FARS2: variants seen among roughly 807,000 people sequenced by gnomAD.
FARS2 encodes phenylalanyl-tRNA synthetase 2, mitochondrial, also known as phenylalanine--tRNA ligase, mitochondrial.
In FARS2, 40 loss-of-function variants were observed where a neutral mutation model predicts 46.4. That is an observed-to-expected ratio of 0.86 (90% CI 0.67 to 1.12). FARS2 has a LOEUF of 1.12. Among genes scored for constraint, FARS2 ranks in the 50% most tolerant of loss-of-function variants. FARS2 has a pLI of 0.00. For missense variants in FARS2, 513 were observed against 567.9 expected (o/e 0.90, Z 0.98); for synonymous variants, 234 against 214.9 (o/e 1.09, Z -0.78).
intron 6 of FARS2, among the ~76,000 whole-genome samples, chr6:5,754,580 A>G (rs529334078): frequency 4.6e-5 from 7 of 152,344 alleles, no homozygotes; most frequent in Admixed American, 6.5e-5. Flanking sequence ...TTCCTGAAAT[A>G]TACCCTTCTT....
At chr6:5,762,649 G>C (rs1045941227) in intron 6 of FARS2, among the ~76,000 whole-genome samples, 4 of 152,222 alleles carry the variant, frequency 2.6e-5, no homozygotes, top group South Asian at 4.1e-4. Context: ...GAACTCTTAC[G>C]TTGCCGACGT....
Position 5,500,901 on chromosome 6 carries a change from C to A in FARS2, c.905-44279C>A, listed in dbSNP as rs78486553. On this transcript the variant is annotated intron_variant, in intron 4 of 6. Transcript: ENST00000274680. ...TGACTTGGAACAAAACATTTTCTGT[C>A]CTTGTGACATTCCAGTCAAGCTTCA... is the stretch of plus-strand genomic sequence containing the variant. 4.6e-4 allele frequency among the ~76,000 whole-genome samples: 69 copies of A among 151,348 alleles called. No individual in the cohort carries two copies. In the East Asian group the frequency reaches 0.012, roughly 27 times the overall value.
chr6:5,520,391 C>T (rs1769059671), intron 4 of FARS2, among the ~76,000 whole-genome samples: 1 of 152,130 alleles, frequency 6.6e-6, no homozygotes, highest in African/African-American at 2.4e-5. Flanking sequence ...GTCTTGCTTT[C>T]TTAGACTTGC....
chr6:5,287,411 G>C (rs1349544622), intron 1 of FARS2, among the ~76,000 whole-genome samples: 1 of 152,164 alleles, frequency 6.6e-6, no homozygotes, highest in Non-Finnish European at 1.5e-5. Flanking sequence ...CCCACAGCCT[G>C]TTCCTTCCCG....
intron 6 of FARS2, among the ~76,000 whole-genome samples, chr6:5,691,009 A>G (rs1757669733): frequency 6.6e-6 from 1 of 152,152 alleles, no homozygotes; most frequent in Non-Finnish European, 1.5e-5. Flanking sequence ...AGGCTTGTGC[A>G]TTCATCACAT....
intron 6 of FARS2, among the ~76,000 whole-genome samples, chr6:5,766,612 G>A (rs1762763953): frequency 6.6e-6 from 1 of 152,224 alleles, no homozygotes; most frequent in South Asian, 2.1e-4. Flanking sequence ...GGAAGAGGGT[G>A]ACAGTTAATA....
chr6:5,411,486 C>G (rs183894120), intron 3 of FARS2, among the ~76,000 whole-genome samples: 15 of 152,306 alleles, frequency 9.8e-5, no homozygotes, highest in African/African-American at 3.6e-4. Flanking sequence ...TTCACTCTTT[C>G]TATAATTAGT....
At chr6:5,432,942 CCATCTGCAGGGG>C (rs914863712) in intron 4 of FARS2, among the ~76,000 whole-genome samples, 15 of 152,134 alleles carry the variant, frequency 9.9e-5, no homozygotes, top group Non-Finnish European at 2.1e-4. Context: ...TAGGTACTCT[CCATCTGCAGGGG>C]CCTGGACTCC....
intron 4 of FARS2, among the ~76,000 whole-genome samples, chr6:5,434,201 C>T (rs868300201): frequency 6.6e-6 from 1 of 152,088 alleles, no homozygotes; most frequent in East Asian, 1.9e-4. Flanking sequence ...CCTCTGCCCC[C>T]GCTGGGTTCA....
intron 4 of FARS2, among the ~76,000 whole-genome samples, chr6:5,529,037 A>G (rs1407835790): frequency 6.6e-6 from 1 of 152,216 alleles, no homozygotes; most frequent in African/African-American, 2.4e-5. Context: ...TCTCTTATTT[A>G]GATCACTTTT....
At chr6:5,439,276 A>G (rs1562041721) in intron 4 of FARS2, among the ~76,000 whole-genome samples, 1 of 152,092 alleles carries the variant, frequency 6.6e-6, no homozygotes, top group Non-Finnish European at 1.5e-5. Context: ...TTCCACATAG[A>G]ATTCGGGCAT....
At chr6:5,495,942 C>G (rs537284865) in intron 4 of FARS2, among the ~76,000 whole-genome samples, 1 of 152,308 alleles carries the variant, frequency 6.6e-6, no homozygotes, top group African/African-American at 2.4e-5. Flanking sequence ...GATGCCCTGC[C>G]TGAGCAGCTA....
chr6:5,519,800 G>A (rs1346704717), intron 4 of FARS2, among the ~76,000 whole-genome samples: 1 of 152,102 alleles, frequency 6.6e-6, no homozygotes, highest in Admixed American at 6.5e-5. Flanking sequence ...CATGATGTTG[G>A]TTCCATTGTG....
intron 6 of FARS2, among the ~76,000 whole-genome samples, chr6:5,713,014 G>A (rs1321376794): frequency 1.3e-5 from 2 of 152,230 alleles, no homozygotes; most frequent in South Asian, 4.1e-4. Context: ...AAAGAGCCAT[G>A]TTACAATGTA....
rs369314659 is a variant in FARS2 at position 5,615,438 on chromosome 6, A to G, written c.1217+2118A>G. Among the ~76,000 whole-genome samples the G allele has an allele frequency of 2.8e-3, 420 of 152,248 alleles. 5 individuals are homozygous for G. The highest frequency in any genetic ancestry group is 9.7e-3 in the African/African-American group (403 of 41,548). ...CTTTTCTCCCCGTTCTGGGTTCTGC[A>G]AGCTCACATTTTAGCTCCCCCTGCT... On this transcript the variant is annotated intron_variant, in intron 6 of 6. Transcript: ENST00000274680.
chr6:5,418,011 C>T (rs763194021), intron 3 of FARS2, among the ~76,000 whole-genome samples: 8 of 152,044 alleles, frequency 5.3e-5, no homozygotes, highest in Non-Finnish European at 1.2e-4. Flanking sequence ...TTTCTGTTAA[C>T]TCCTTCCTGT....
At chr6:5,735,580 G>C (rs1050206451) in intron 6 of FARS2, among the ~76,000 whole-genome samples, 13 of 152,202 alleles carry the variant, frequency 8.5e-5, no homozygotes, top group Admixed American at 5.9e-4. Context: ...GCACATAAGT[G>C]GTCACTGTGA....
rs531372173 is a variant in FARS2 at position 5,349,638 on chromosome 6, T to C, written c.-21-18912T>C. ...GATGCAATTAAGGAACCACTATTGT[T>C]ACATTATTAACGAAATCCACACTTC... On this transcript the variant is annotated intron_variant, in intron 1 of 6. Coordinates refer to ENST00000274680, the MANE Select transcript of FARS2 (RefSeq NM_006567.5). Among the ~76,000 whole-genome samples the C allele has an allele frequency of 8.5e-5, 13 of 152,292 alleles. 1 individual carries two copies. Among genetic ancestry groups the C allele is most frequent in the Admixed American group, 6.5e-4 (10 of 15,304 alleles).
intron 5 of FARS2, chr6:5,609,294 G>C: frequency 9.1e-7 from 1 of 1,094,620 alleles, no homozygotes. Flanking sequence ...TTGGTTTCAT[G>C]GTTTGGCAAA....
Sources: gnomAD v4.1 joint callset for allele counts (sites outside exome capture counted in the v4.1 genomes callset) on GRCh38, gnomAD v4.1.1 for gene constraint, MANE v1.5 for transcripts, NCBI Gene and HGNC (gene_info 2026-07-23, HGNC 2026-07-21) for gene names.